The following RGMA variants were observed in gnomAD, a reference collection of about 807,000 sequenced individuals.
The protein encoded by RGMA is repulsive guidance molecule A.
RGMA carries 10 observed loss-of-function variants against 23.2 expected under a neutral mutation model. The ratio of observed to expected loss-of-function variants is 0.43; its 90% CI spans 0.27 to 0.73. The LOEUF is 0.73. RGMA is among the 30% of genes least tolerant of loss of function. RGMA has a pLI of 0.20. For synonymous variants in RGMA, 308 were observed against 279.3 expected (o/e 1.10, Z -1.03); for missense variants, 547 against 630.5 (o/e 0.87, Z 1.42).
At chr15:93,076,907 C>T (rs555315828) in intron 1 of RGMA, among the ~76,000 whole-genome samples, 2 of 152,316 alleles carry the variant, frequency 1.3e-5, no homozygotes, top group South Asian at 4.1e-4. Context: ...CAATCACTTT[C>T]AATAAAGCAT....
In RGMA at chr15:93,060,698, G is replaced by A. The variant is rs148999093; in HGVS notation, c.131-8191C>T. On this transcript the variant is annotated intron_variant, in intron 2 of 3. Coordinates refer to ENST00000329082, the MANE Select transcript of RGMA (RefSeq NM_020211.3). ...AATCACTTTGTGACCAAAAACAATG[G>A]TCACTTTTCAAGGCACACCACGGAA... Among the ~76,000 whole-genome samples the A allele has an allele frequency of 8.1e-3, 1,237 of 152,302 alleles. 10 individuals carry two copies. The highest frequency in any genetic ancestry group is 0.016 in the South Asian group (75 of 4,822).
At chr15:93,059,164 C>G (rs1175069027) in intron 2 of RGMA, among the ~76,000 whole-genome samples, 3 of 152,156 alleles carry the variant, frequency 2.0e-5, no homozygotes, top group Non-Finnish European at 4.4e-5. Flanking sequence ...TTTCAAGATG[C>G]TTTTGCCACA....
intron 1 of RGMA, among the ~76,000 whole-genome samples, chr15:93,086,921 C>T (rs368366980): frequency 1.3e-5 from 2 of 152,208 alleles, no homozygotes; most frequent in African/African-American, 4.8e-5. Flanking sequence ...AGGTGCCCTC[C>T]TTGAATGAGA....
At chr15:93,079,647 C>T (rs1895526575) in intron 1 of RGMA, among the ~76,000 whole-genome samples, 1 of 152,124 alleles carries the variant, frequency 6.6e-6, no homozygotes, top group Non-Finnish European at 1.5e-5. Flanking sequence ...TGGTGAAACC[C>T]CATTTTTACT....
intron 2 of RGMA, chr15:93,065,814 G>A: frequency 1.1e-6 from 1 of 869,994 alleles, no homozygotes; most frequent in Non-Finnish European, 1.9e-6. Flanking sequence ...CAGAATTGAG[G>A]TAGGGGAACC....
rs547672904 is a variant in RGMA at position 93,074,770 on chromosome 15, G to A, written c.15-1739C>T. Among the ~76,000 whole-genome samples the A allele has an allele frequency of 5.9e-5, 9 of 152,272 alleles. No individual in the cohort carries two copies. The South Asian group carries it at 1.0e-3, about 18-fold the overall frequency. On this transcript the variant is annotated intron_variant, in intron 1 of 3. Coordinates refer to ENST00000329082, the MANE Select transcript of RGMA (RefSeq NM_020211.3). ...AATTTATTCTGCAGCATCACCGAAC[G>A]GCAGCCCATTCCAGCGGCCACCGGG...
chr15:93,052,622 C>T, intron 2 of RGMA, 115 bp from the exon 3 acceptor site: 2 of 1,188,454 alleles, frequency 1.7e-6, no homozygotes, highest in South Asian at 1.6e-5. Context: ...GCAGAGCCAC[C>T]CATGCCACAC....
chr15:93,088,443 G>A (rs766338737), intron 1 of RGMA: 1 of 986,054 alleles, frequency 1.0e-6, no homozygotes, highest in Middle Eastern at 5.2e-4. Flanking sequence ...GCCGGGACGC[G>A]AGCCCACGCG....
chr15:93,048,238 G>A (rs2054859079), intron 3 of RGMA, among the ~76,000 whole-genome samples: 1 of 152,212 alleles, frequency 6.6e-6, no homozygotes, highest in Non-Finnish European at 1.5e-5. Context: ...GGGAGAACTG[G>A]TAGCCTGAGG....
At chr15:93,073,604 C>G (rs77140615) in intron 1 of RGMA, 19,048 of 1,536,844 alleles carry the variant, frequency 0.012, 131 homozygotes, top group Non-Finnish European at 0.014. Context: ...CACCGACGCC[C>G]CCTGGCTCAT....
chr15:93,054,962 G>C (rs549896691), intron 2 of RGMA, among the ~76,000 whole-genome samples: 9 of 152,320 alleles, frequency 5.9e-5, no homozygotes, highest in Admixed American at 3.3e-4. Flanking sequence ...CAGGAGGTGA[G>C]TGTGGTGGGG....
In RGMA at chr15:93,041,839, G is replaced by A. The variant is rs981896413; in HGVS notation, c.*3159C>T. On this transcript the variant is annotated 3_prime_UTR_variant, in exon 4 of 4. Coordinates refer to ENST00000329082, the MANE Select transcript of RGMA (RefSeq NM_020211.3). Reference sequence around the variant, plus strand: ...AACCCAACTCCCGTGTTCTCTCTGGGAGCCCTGCAAGAACAGGGCTTTAGA... The same window carrying A: ...AACCCAACTCCCGTGTTCTCTCTGGAAGCCCTGCAAGAACAGGGCTTTAGA... The A allele has an allele frequency of 1.3e-5, 2 of 152,258 alleles. No homozygotes were observed. The highest frequency in any genetic ancestry group is 4.8e-5 in the African/African-American group (2 of 41,462). 9.4% of individuals were successfully genotyped at this position (152,258 alleles called of 1,614,324 possible).
At position 93,052,156 on chromosome 15, in the gene RGMA, G is replaced by A. The variant is rs774790049; in HGVS notation, c.482C>T (p.Thr161Met). 2.0e-5 allele frequency: 33 copies of A among 1,613,720 alleles called. No homozygotes were observed. Among genetic ancestry groups the A allele is most frequent in the African/African-American group, 5.3e-5 (4 of 74,952 alleles). ...FHKHSATPNYTHCGLFGDPHL... is the reference protein window; with the variant it reads ...FHKHSATPNYMHCGLFGDPHL... ...TGGGTCCCCGAAGAGGCCACAGTGCGTGTAGTTGGGGGTGGCCGAGTGCTT... is the reference window on the plus strand; with the variant it reads ...TGGGTCCCCGAAGAGGCCACAGTGCATGTAGTTGGGGGTGGCCGAGTGCTT... The change falls in exon 3 of 4, where the codon ACG becomes ATG. Residue 161 changes from threonine to methionine, a missense_variant. Thr to Met is a moderately conservative substitution (Grantham distance 81). Around this residue, in one of 3 missense-constraint regions of RGMA, gnomAD observed 214 missense variants for 234.7 expected, o/e 0.91. Coordinates refer to ENST00000329082, the MANE Select transcript of RGMA (RefSeq NM_020211.3).
Position 93,044,659 on chromosome 15 carries a change from G to A in RGMA, c.*339C>T. The stretch of plus-strand genomic sequence containing the variant: ...CTTTCAGTGCATTGCGAGGGGGAAG[G>A]AGCTGACTCTGACGGTTCCCAGTGT... On this transcript the variant is annotated 3_prime_UTR_variant, in exon 4 of 4. Coordinates refer to ENST00000329082, the MANE Select transcript of RGMA (RefSeq NM_020211.3). The A allele has an allele frequency of 5.4e-6, 2 of 371,682 alleles. No individual in the cohort carries two copies. The highest frequency in any genetic ancestry group is 3.9e-5 in the South Asian group (1 of 25,752). The allele number at this position is 371,682 out of a possible 1,614,324, so 23.0% of individuals were successfully genotyped here. A position where few individuals can be genotyped will look rare whatever the true frequency, so the allele number is the denominator to read the frequency against.
intron 1 of RGMA, among the ~76,000 whole-genome samples, chr15:93,084,330 G>A (rs139215262): frequency 3.2e-4 from 49 of 152,286 alleles, no homozygotes; most frequent in African/African-American, 1.1e-3. Context: ...GCATTTGAAC[G>A]GGCAGAATGG....
intron 2 of RGMA, among the ~76,000 whole-genome samples, chr15:93,061,888 T>G (rs1326676504): frequency 3.9e-5 from 6 of 152,270 alleles, no homozygotes; most frequent in Admixed American, 2.6e-4. Context: ...TATTTTGCAG[T>G]GCACGAGGGG....
chr15:93,068,024 G>T (rs758069710), intron 2 of RGMA, among the ~76,000 whole-genome samples: 3 of 152,156 alleles, frequency 2.0e-5, no homozygotes, highest in Non-Finnish European at 4.4e-5. Flanking sequence ...GATCTGGACA[G>T]GGGAGTCCCT....
intron 2 of RGMA, among the ~76,000 whole-genome samples, chr15:93,064,063 C>A (rs1231897053): frequency 6.6e-6 from 1 of 152,206 alleles, no homozygotes; most frequent in African/African-American, 2.4e-5. Flanking sequence ...ACTACCCTCC[C>A]ATCCCCCAGT....
At chr15:93,059,655 A>T (rs556523143) in intron 2 of RGMA, among the ~76,000 whole-genome samples, 1 of 152,254 alleles carries the variant, frequency 6.6e-6, no homozygotes, top group South Asian at 2.1e-4. Context: ...ACGGGCAGCG[A>T]CTGGAGTGAG....
Sources: allele counts gnomAD v4.1 joint callset (sites outside exome capture counted in the v4.1 genomes callset), GRCh38; gene constraint gnomAD v4.1.1; regional missense constraint gnomAD v4.1.1; transcripts MANE v1.5; gene names NCBI Gene and HGNC (gene_info 2026-07-23, HGNC 2026-07-21).